Variants in RSF1 observed in about 807,000 individuals in gnomAD.
RSF1 encodes the protein HBV pX-associated protein 8.
In RSF1, 13 loss-of-function variants were observed where a neutral mutation model predicts 145.2. The ratio of observed to expected loss-of-function variants is 0.09; its 90% CI spans 0.06 to 0.14. The LOEUF is 0.14. Among genes scored for constraint, RSF1 ranks in the 10% least tolerant of loss-of-function variants. The pLI is 1.00. For synonymous variants in RSF1, 577 were observed against 592.6 expected (o/e 0.97, Z 0.38); for missense variants, 1,517 against 1,718.2 (o/e 0.88, Z 2.07).
chr11:77,676,760 T>C (rs1228846531), intron 13 of RSF1, 32 bp downstream of exon 13: 2 of 1,593,376 alleles, frequency 1.3e-6, no homozygotes, highest in Admixed American at 1.7e-5. Flanking sequence ...TGCTGGTATC[T>C]AGGGATCGGG....
At chr11:77,789,137 G>C (rs1034266821) in intron 1 of RSF1, among the ~76,000 whole-genome samples, 1 of 152,220 alleles carries the variant, frequency 6.6e-6, no homozygotes, top group Non-Finnish European at 1.5e-5. Flanking sequence ...GGAGCCAGGA[G>C]AAACTCCCCA....
chr11:77,671,245 A>T (rs1448784047), intron 15 of RSF1, among the ~76,000 whole-genome samples: 1 of 143,600 alleles, frequency 7.0e-6, no homozygotes, highest in Non-Finnish European at 1.5e-5. Context: ...AACAAAAAAG[A>T]CTAAATGGAT....
rs148756089 is a variant in RSF1, at chr11:77,774,677, A to T, written c.188-9988T>A. Among the ~76,000 whole-genome samples, 444 of 151,524 alleles carry T rather than the reference A, an allele frequency of 2.9e-3. 2 individuals are homozygous for T. Among genetic ancestry groups the T allele is most frequent in the African/African-American group, 0.01 (426 of 41,450 alleles). ...TGCAGTGGCTCACGCCTGTAATCCC[A>T]GTACTTTGGAAGGCAGAGGCAGGCA... On this transcript the variant is annotated intron_variant, in intron 1 of 15. Transcript: ENST00000308488.
In RSF1 at chr11:77,740,941, A is replaced by G; in HGVS notation, c.373-5T>C. 1 of 1,603,702 alleles carries G rather than the reference A, an allele frequency of 6.2e-7. No individual in the cohort carries two copies. The highest frequency in any genetic ancestry group is 8.5e-7 in the Non-Finnish European group (1 of 1,171,062). ...AAACTGACACTCACAGAGGTACTGA[A>G]AAATAGTCATAACATGACTTAAAAT... On this transcript the variant is annotated splice_region_variant and splice_polypyrimidine_tract_variant and intron_variant, in intron 3 of 15. Transcript: ENST00000308488.
At chr11:77,821,994 C>T (rs565598671), upstream of RSF1, among the ~76,000 whole-genome samples, 3 of 152,120 alleles carry the variant, frequency 2.0e-5, no homozygotes, top group Admixed American at 2.0e-4. Flanking sequence ...TAGCACAGTG[C>T]CGTAGCACAT....
intron 1 of RSF1, among the ~76,000 whole-genome samples, chr11:77,775,867 G>C (rs1425493265): frequency 6.6e-6 from 1 of 152,176 alleles, no homozygotes; most frequent in Non-Finnish European, 1.5e-5. Context: ...CAAACTCCTA[G>C]GCTCAAGCAA....
intron 1 of RSF1, among the ~76,000 whole-genome samples, chr11:77,786,385 AT>A (rs1219591923): frequency 6.6e-6 from 1 of 152,202 alleles, no homozygotes; most frequent in Non-Finnish European, 1.5e-5. Context: ...AAATAAATGT[AT>A]TATTTATTTA....
At position 77,747,212 on chromosome 11, in the gene RSF1, A is replaced by G. The variant is rs1054826574; in HGVS notation, c.280-84T>C. On this transcript the variant is annotated intron_variant, in intron 2 of 15. Coordinates refer to ENST00000308488, the MANE Select transcript of RSF1 (RefSeq NM_016578.4). ...CTTGTACAACTATGCTGTTCTTGTT[A>G]ATACATGTTTATAAAGGAAAGAGGT... 4.9e-6 allele frequency: 4 copies of G among 813,034 alleles called. No individual in the cohort carries two copies. The African/African-American group carries it at 6.9e-5, about 14-fold the overall frequency. The allele number at this position is 813,034 out of a possible 1,614,324, so 50.4% of individuals were successfully genotyped here. A position where few individuals can be genotyped will look rare whatever the true frequency, so the allele number is the denominator to read the frequency against.
At position 77,691,187 on chromosome 11, in the gene RSF1, A is replaced by C; in HGVS notation, c.2872T>G (p.Leu958Val). ...CGTTCGGCACGCTCTTTCTTCTTTA[A>C]GGCAACATCCAAATCCTGCAACTGT... ...EEQLQDLDVA[L>V]KKKERAERRK... Residue 958 changes from leucine to valine, a missense_variant, in exon 9 of 16, where the codon TTA becomes GTA. By Grantham distance (32) the Leu-to-Val change is conservative. Coordinates refer to ENST00000308488, the MANE Select transcript of RSF1 (RefSeq NM_016578.4). 1 of 1,614,194 alleles carries C rather than the reference A, an allele frequency of 6.2e-7. No homozygotes were observed. The highest frequency in any genetic ancestry group is 8.5e-7 in the Non-Finnish European group (1 of 1,180,028).
chr11:77,759,600 C>T (rs968407329), intron 2 of RSF1, among the ~76,000 whole-genome samples: 2 of 152,210 alleles, frequency 1.3e-5, no homozygotes, highest in Non-Finnish European at 2.9e-5. Flanking sequence ...AGGAGAATCG[C>T]TTAAATCCAG....
chr11:77,770,410 G>A (rs763022119), intron 1 of RSF1, among the ~76,000 whole-genome samples: 29 of 152,212 alleles, frequency 1.9e-4, no homozygotes, highest in Non-Finnish European at 3.4e-4. Flanking sequence ...AGCCCAGATC[G>A]TGCCACTGCA....
At chr11:77,869,306 C>CTTTTTTTTTTTTTTT in the RSF1 span, 3 of 120,370 alleles carry the variant, frequency 2.5e-5, no homozygotes, top group African/African-American at 9.7e-5. Context: ...TTATTTATCT[C>CTTTTTTTTTTTTTTT]TTTTTCTTTT....
intron 7 of RSF1, among the ~76,000 whole-genome samples, chr11:77,697,569 A>G (rs1016103029): frequency 5.5e-5 from 8 of 146,088 alleles, no homozygotes; most frequent in African/African-American, 2.0e-4. Flanking sequence ...TTAGATATTG[A>G]TTCTCCTGAT....
intron 9 of RSF1, among the ~76,000 whole-genome samples, chr11:77,690,815 C>T (rs188764926): frequency 1.2e-3 from 185 of 152,334 alleles, no homozygotes; most frequent in Admixed American, 1.9e-3. Flanking sequence ...GGTCTCTGTT[C>T]CAACTACTCA....
chr11:77,820,634 G>C lies in RSF1; in HGVS notation c.81C>G (p.Cys27Trp). ...GCGGCCCGTAGCGCTCCAAGAAGGAGCAGACTACGGCGAAGTTGGGGCACG... is the reference window on the plus strand; with the variant it reads ...GCGGCCCGTAGCGCTCCAAGAAGGACCAGACTACGGCGAAGTTGGGGCACG... ...PGSCPNFAVV[C>W]SFLERYGPLL... is the part of the protein sequence containing the mutation. The change falls in exon 1 of 16, where the codon TGC (cysteine) becomes TGG (tryptophan). Residue 27 changes from cysteine (C) to tryptophan (W), a missense_variant. Coordinates refer to ENST00000308488, the MANE Select transcript of RSF1 (RefSeq NM_016578.4). 3.2e-6 allele frequency: 5 copies of C among 1,565,320 alleles called. No individual in the cohort carries two copies. Among genetic ancestry groups the C allele is most frequent in the Non-Finnish European group, 3.5e-6 (4 of 1,156,528 alleles).
At chr11:77,739,828 G>A (rs1166720865) in intron 4 of RSF1, among the ~76,000 whole-genome samples, 2 of 151,978 alleles carry the variant, frequency 1.3e-5, no homozygotes, top group South Asian at 2.1e-4. Context: ...CTGTAATAAC[G>A]GTTCTAGTAT....
chr11:77,868,399 C>T, the RSF1 span, among the ~76,000 whole-genome samples: 46 of 127,656 alleles, frequency 3.6e-4, 2 homozygotes, highest in South Asian at 0.011. Context: ...GGTCTTGTTG[C>T]CCAGGCTGGA....
chr11:77,764,517 T>A, intron 2 of RSF1, 81 bp downstream of exon 2: 1 of 800,396 alleles, frequency 1.2e-6, no homozygotes, highest in East Asian at 2.7e-5. Flanking sequence ...TTAAAAATTA[T>A]GTGTATTATA....
chr11:77,688,478 C>G (rs910510119), intron 9 of RSF1, among the ~76,000 whole-genome samples: 2 of 152,116 alleles, frequency 1.3e-5, no homozygotes, highest in African/African-American at 4.8e-5. Flanking sequence ...ATTTAAATAC[C>G]TTTAGTTACA....
Sources: gnomAD v4.1 joint callset for allele counts (sites outside exome capture counted in the v4.1 genomes callset) on GRCh38, gnomAD v4.1.1 for gene constraint, MANE v1.5 for transcripts, NCBI Gene and HGNC (gene_info 2026-07-23, HGNC 2026-07-21) for gene names.